The following ADGRL2 variants were observed in gnomAD, a reference collection of about 807,000 sequenced individuals.
The protein encoded by ADGRL2 is calcium-independent alpha-latrotoxin receptor 2.
ADGRL2 carries 44 observed loss-of-function variants against 157.4 expected under a neutral mutation model. That is an observed-to-expected ratio of 0.28 (90% CI 0.22 to 0.36). ADGRL2 has a LOEUF of 0.36. ADGRL2 is among the 10% of genes least tolerant of loss of function. The pLI, the probability that ADGRL2 is intolerant of heterozygous loss-of-function variation, is 1.00. For synonymous variants in ADGRL2, 585 were observed against 624.7 expected (o/e 0.94, Z 0.95); for missense variants, 1,510 against 1,768.9 (o/e 0.85, Z 2.63).
chr1:81,369,277 A>G (rs1176468192), intron 1 of ADGRL2, among the ~76,000 whole-genome samples: 3 of 152,182 alleles, frequency 2.0e-5, no homozygotes, highest in Non-Finnish European at 4.4e-5. Context: ...GATTCATAGC[A>G]TAGAACCCAG....
At chr1:81,856,196 C>T (rs1018935493) in intron 2 of ADGRL2, among the ~76,000 whole-genome samples, 1 of 152,112 alleles carries the variant, frequency 6.6e-6, no homozygotes, top group Admixed American at 6.6e-5. Context: ...TATCTACCTG[C>T]TTCTGCCTAA....
intron 3 of ADGRL2, among the ~76,000 whole-genome samples, chr1:81,681,361 C>T (rs1044644821): frequency 1.3e-5 from 2 of 152,210 alleles, no homozygotes; most frequent in African/African-American, 4.8e-5. Flanking sequence ...AGTGACTTCA[C>T]ATGTTCTCCT....
intron 1 of ADGRL2, among the ~76,000 whole-genome samples, chr1:81,431,559 T>A (rs1197928967): frequency 6.6e-6 from 1 of 152,220 alleles, no homozygotes; most frequent in Admixed American, 6.5e-5. Flanking sequence ...TTCAGGGTTA[T>A]GATGGAACTG....
At chr1:81,970,659 C>A in intron 16 of ADGRL2, 125 bp downstream of exon 16, 1 of 643,886 alleles carries the variant, frequency 1.6e-6, no homozygotes, top group Non-Finnish European at 2.6e-6. Context: ...AGAGAATGGG[C>A]ATACCGTGCA....
chr1:81,952,069 T>C lies in ADGRL2; in HGVS notation c.1721T>C (p.Val574Ala), dbSNP rs779479290. ...TCAGTGAGATTGATGGAGCAGTTGGTGGACATCCTTGATGCACAGCTGCAG... is the reference window on the plus strand; with the variant it reads ...TCAGTGAGATTGATGGAGCAGTTGGCGGACATCCTTGATGCACAGCTGCAG... ...SSSVRLMEQL[V>A]DILDAQLQEL... The change falls in exon 9 of 24, where the codon GTG (valine) becomes GCG (alanine). Residue 574 changes from valine (V) to alanine (A), a missense_variant. Coordinates refer to ENST00000686636, the MANE Select transcript of ADGRL2 (RefSeq NM_001366006.2). 25 of 1,613,742 alleles carry C rather than the reference T, an allele frequency of 1.5e-5. No homozygotes were observed. The highest frequency in any genetic ancestry group is 2.1e-5 in the Non-Finnish European group (25 of 1,179,706).
intron 2 of ADGRL2, among the ~76,000 whole-genome samples, chr1:81,451,652 G>C (rs2077704556): frequency 6.6e-6 from 1 of 152,122 alleles, no homozygotes; most frequent in Admixed American, 6.6e-5. Context: ...ATCAGTAGGA[G>C]ATTTTGCCAT....
chr1:81,628,854 T>C (rs1232750457), intron 3 of ADGRL2, among the ~76,000 whole-genome samples: 1 of 152,244 alleles, frequency 6.6e-6, no homozygotes, highest in Non-Finnish European at 1.5e-5. Flanking sequence ...CAAATATTTA[T>C]GAACTGTATT....
intron 3 of ADGRL2, among the ~76,000 whole-genome samples, chr1:81,921,769 A>G (rs1177092881): frequency 1.3e-5 from 2 of 152,152 alleles, no homozygotes; most frequent in African/African-American, 4.8e-5. Context: ...TGTAAACTAT[A>G]AATCAGATAC....
chr1:81,658,617 T>A (rs1404376984), intron 3 of ADGRL2, among the ~76,000 whole-genome samples: 1 of 152,190 alleles, frequency 6.6e-6, no homozygotes, highest in Non-Finnish European at 1.5e-5. Flanking sequence ...ATTCTCTGTG[T>A]CCATGTGTAC....
At chr1:81,721,684 T>C (rs1204743991) in intron 1 of ADGRL2, 53 of 1,248,714 alleles carry the variant, frequency 4.2e-5, no homozygotes, top group Non-Finnish European at 5.7e-5. Flanking sequence ...CGCCCACTGC[T>C]TCCTGACCAT....
chr1:81,564,412 CT>C (rs755648241), intron 2 of ADGRL2, among the ~76,000 whole-genome samples: 17 of 152,176 alleles, frequency 1.1e-4, no homozygotes, highest in Non-Finnish European at 1.9e-4. Flanking sequence ...CACTCCCAAG[CT>C]TATTCACATA....
Position 81,520,896 on chromosome 1 carries a change from G to A in ADGRL2, c.-247-59980G>A, listed in dbSNP as rs540777017. ...AGGCTTTTCTGGCTTTTCATTCCCC[G>A]ATCCCAGGATTGTGCCCACCACAGG... On this transcript the variant is annotated intron_variant, in intron 2 of 24. Coordinates refer to the ADGRL2 transcript ENST00000370721. Among the ~76,000 whole-genome samples, 24 of 152,178 alleles carry A rather than the reference G, an allele frequency of 1.6e-4. No individual in the cohort carries two copies. The South Asian group carries it at 2.5e-3, about 16-fold the overall frequency.
chr1:81,381,005 T>C (rs1278608353), intron 1 of ADGRL2, among the ~76,000 whole-genome samples: 1 of 152,144 alleles, frequency 6.6e-6, no homozygotes, highest in Admixed American at 6.5e-5. Context: ...TCTTATGTTA[T>C]AGACCTCAAT....
At chr1:81,337,242 G>C (rs972110327) in intron 1 of ADGRL2, among the ~76,000 whole-genome samples, 6 of 152,118 alleles carry the variant, frequency 3.9e-5, no homozygotes, top group Admixed American at 3.3e-4. Context: ...GGGATACAGG[G>C]GGCTGTCACA....
At chr1:81,616,669 C>CTTTTTTTT (rs1304177259) in intron 3 of ADGRL2, among the ~76,000 whole-genome samples, 2 of 103,770 alleles carry the variant, frequency 1.9e-5, no homozygotes, top group African/African-American at 7.6e-5. Flanking sequence ...CTTTTCTTTT[C>CTTTTTTTT]TTTTCTTTTC....
At chr1:81,677,810 T>G (rs1462677722) in intron 3 of ADGRL2, among the ~76,000 whole-genome samples, 1 of 152,198 alleles carries the variant, frequency 6.6e-6, no homozygotes, top group Non-Finnish European at 1.5e-5. Context: ...TCCTTCTGTT[T>G]AAAACTTTCG....
intron 2 of ADGRL2, among the ~76,000 whole-genome samples, chr1:81,893,826 A>C (rs1031889660): frequency 4.6e-5 from 7 of 152,272 alleles, no homozygotes; most frequent in East Asian, 1.9e-4. Flanking sequence ...CCTTTCCCCA[A>C]ATGTTGTGTT....
intron 1 of ADGRL2, among the ~76,000 whole-genome samples, chr1:81,386,172 A>G (rs2076431454): frequency 6.6e-6 from 1 of 152,180 alleles, no homozygotes. Context: ...TCAAATTCAA[A>G]GGTAATCTAA....
intron 2 of ADGRL2, among the ~76,000 whole-genome samples, chr1:81,547,095 C>A (rs1557448128): frequency 6.6e-6 from 1 of 152,174 alleles, no homozygotes; most frequent in Non-Finnish European, 1.5e-5. Context: ...CTTTAGACCA[C>A]CTGCTTTGGC....
Sources: allele counts gnomAD v4.1 joint callset (sites outside exome capture counted in the v4.1 genomes callset), GRCh38; gene constraint gnomAD v4.1.1; transcripts MANE v1.5; gene names NCBI Gene and HGNC (gene_info 2026-07-23, HGNC 2026-07-21).